The following RCOR1 variants were observed in gnomAD, a reference collection of about 807,000 sequenced individuals.
The protein encoded by RCOR1 is REST corepressor.
In RCOR1, 12 loss-of-function variants were observed where a neutral mutation model predicts 64.0. The observed-to-expected ratio is 0.19, with a 90% CI of 0.12 to 0.30. The LOEUF (loss-of-function observed/expected upper bound fraction) is 0.30. Among genes scored for constraint, RCOR1 ranks in the 10% least tolerant of loss-of-function variants. The pLI is 1.00. For synonymous variants in RCOR1, 279 were observed against 227.2 expected (o/e 1.23, Z -2.05); for missense variants, 502 against 621.2 (o/e 0.81, Z 2.04).
chr14:102,725,090 T>G (rs1000908940), intron 11 of RCOR1, among the ~76,000 whole-genome samples: 1 of 152,140 alleles, frequency 6.6e-6, no homozygotes, highest in Non-Finnish European at 1.5e-5. Flanking sequence ...TGGACAAGGG[T>G]GGGTTGGGAA....
chr14:102,655,653 CAA>C (rs887915650), intron 2 of RCOR1: 1 of 319,442 alleles, frequency 3.1e-6, no homozygotes, highest in East Asian at 1.7e-4. Context: ...ATGTATGAAA[CAA>C]AAAAATGAAG....
At chr14:102,624,919 G>A (rs1893950740) in intron 2 of RCOR1, among the ~76,000 whole-genome samples, 1 of 152,166 alleles carries the variant, frequency 6.6e-6, no homozygotes, top group South Asian at 2.1e-4. Context: ...TTCCCCAGCT[G>A]GAATGCAGTG....
At chr14:102,639,294 T>C (rs1198776804) in intron 2 of RCOR1, among the ~76,000 whole-genome samples, 1 of 146,556 alleles carries the variant, frequency 6.8e-6, no homozygotes, top group East Asian at 2.0e-4. Context: ...AGACAAGATC[T>C]CTTTTTGTCA....
At chr14:102,622,447 T>G (rs1328193563) in intron 2 of RCOR1, among the ~76,000 whole-genome samples, 1 of 152,198 alleles carries the variant, frequency 6.6e-6, no homozygotes, top group Non-Finnish European at 1.5e-5. Flanking sequence ...TCTCATCTTG[T>G]GCTTCTTTCT....
Position 102,675,272 on chromosome 14 carries a change from AT to A in RCOR1, c.362-6622del, listed in dbSNP as rs1895120650. ...TACTCCTCCCTTATCCATGAAAGGT[AT>A]GTTTCAAGACCTCTGGTGGATGCCT... On this transcript the variant is annotated intron_variant, in intron 2 of 11. Transcript: ENST00000262241. Among the ~76,000 whole-genome samples the A allele has an allele frequency of 2.6e-5, 4 of 152,154 alleles. No homozygotes were observed. The South Asian group carries it at 6.2e-4, about 24-fold the overall frequency.
chr14:102,634,662 A>G (rs887913760), intron 2 of RCOR1, among the ~76,000 whole-genome samples: 1 of 150,340 alleles, frequency 6.7e-6, no homozygotes, highest in Admixed American at 6.7e-5. Flanking sequence ...GTATATATAT[A>G]TACACACACA....
In RCOR1 at chr14:102,728,344, A is replaced by C. The variant is rs1896310774; in HGVS notation, c.*1838A>C. On this transcript the variant is annotated 3_prime_UTR_variant, in exon 12 of 12. Transcript: ENST00000262241. ...TGCTACCTGGAGACAGGGTTAGCAA[A>C]ATAACACTAGTGATGAGGGAGAGGC... The C allele has an allele frequency of 6.6e-6, 1 of 152,172 alleles. No individual in the cohort carries two copies. The allele number at this position is 152,172 out of a possible 1,614,324, so 9.4% of individuals were successfully genotyped here. A position where few individuals can be genotyped will look rare whatever the true frequency, so the allele number is the denominator to read the frequency against.
rs71119732 is a variant in RCOR1 at position 102,706,114 on chromosome 14, C to CAAAAAAAAAAA, written c.499-1219_499-1209dup. On this transcript the variant is annotated intron_variant, in intron 4 of 11. Coordinates refer to ENST00000262241, the MANE Select transcript of RCOR1 (RefSeq NM_015156.4). ...GGGCAAGGAGAGTGAAACCCTGTCT[C>CAAAAAAAAAAA]AAAAAAAAAAAAAAAAAAAAAAAAA... Among the ~76,000 whole-genome samples, 55 of 21,336 alleles carry CAAAAAAAAAAA rather than the reference C, an allele frequency of 2.6e-3. 2 individuals are homozygous for CAAAAAAAAAAA. The highest frequency in any genetic ancestry group is 0.05 in the Middle Eastern group (1 of 20). The allele number at this position is 21,336 out of a possible 152,430, so 14.0% of individuals were successfully genotyped here.
intron 7 of RCOR1, among the ~76,000 whole-genome samples, chr14:102,712,947 GTTT>G (rs67246962): frequency 0.086 from 6,707 of 77,672 alleles, 75 homozygotes; most frequent in Middle Eastern, 0.14. Context: ...CTAAATCATT[GTTT>G]TTTTTTTTTT....
Position 102,638,919 on chromosome 14 carries a change from T to C in RCOR1, c.362-42976T>C, listed in dbSNP as rs548844485. 4.6e-5 allele frequency among the ~76,000 whole-genome samples: 7 copies of C among 152,320 alleles called. No individual in the cohort carries two copies. In the East Asian group the frequency reaches 1.4e-3, roughly 29 times the overall value. On this transcript the variant is annotated intron_variant, in intron 2 of 11. Coordinates refer to ENST00000262241, the MANE Select transcript of RCOR1 (RefSeq NM_015156.4). ...GTCAGGTGCTCCGCCTGCCTCAGCC[T>C]CTGAAAGTGCTGGGATTGCAGGCGT...
intron 2 of RCOR1, among the ~76,000 whole-genome samples, chr14:102,644,678 A>G (rs1894443435): frequency 6.6e-6 from 1 of 152,204 alleles, no homozygotes; most frequent in African/African-American, 2.4e-5. Context: ...CGTCAAGAGA[A>G]GGAATCTGTT....
At chr14:102,682,361 T>C (rs966858646) in intron 3 of RCOR1, among the ~76,000 whole-genome samples, 9 of 152,248 alleles carry the variant, frequency 5.9e-5, no homozygotes, top group Middle Eastern at 3.4e-3. Flanking sequence ...AACTCCTGAC[T>C]TCAGGTGATC....
chr14:102,671,803 T>C (rs986687126), intron 2 of RCOR1, among the ~76,000 whole-genome samples: 1 of 152,224 alleles, frequency 6.6e-6, no homozygotes, highest in Admixed American at 6.5e-5. Flanking sequence ...AAACATTTTA[T>C]CATCCCATGA....
At chr14:102,650,626 AC>A (rs963887974) in intron 2 of RCOR1, among the ~76,000 whole-genome samples, 154 of 152,350 alleles carry the variant, frequency 1.0e-3, no homozygotes, top group African/African-American at 3.4e-3. Flanking sequence ...GGATTAAGCC[AC>A]TTAATTTTCC....
intron 3 of RCOR1, among the ~76,000 whole-genome samples, chr14:102,690,734 A>C (rs1346639396): frequency 6.6e-6 from 1 of 152,142 alleles, no homozygotes; most frequent in Non-Finnish European, 1.5e-5. Flanking sequence ...CACTGTCTTA[A>C]CTCACTTTCT....
intron 2 of RCOR1, among the ~76,000 whole-genome samples, chr14:102,676,299 G>GC (rs1448203816): frequency 6.9e-6 from 1 of 145,452 alleles, no homozygotes; most frequent in East Asian, 2.1e-4. Flanking sequence ...GGGCAGAAGC[G>GC]CCCCTCACCT....
intron 2 of RCOR1, among the ~76,000 whole-genome samples, chr14:102,661,880 C>T (rs1894830521): frequency 6.6e-6 from 1 of 152,144 alleles, no homozygotes; most frequent in East Asian, 1.9e-4. Context: ...CCTCAGCAAC[C>T]CAAGTAGCTG....
chr14:102,602,488 C>G (rs373093801), intron 2 of RCOR1, among the ~76,000 whole-genome samples: 1 of 150,880 alleles, frequency 6.6e-6, no homozygotes, highest in African/African-American at 2.4e-5. Context: ...ACTGTAACCT[C>G]CGCCTCCCCG....
At chr14:102,603,028 A>T (rs1021155981) in intron 2 of RCOR1, among the ~76,000 whole-genome samples, 2 of 151,942 alleles carry the variant, frequency 1.3e-5, no homozygotes, top group South Asian at 2.1e-4. Context: ...ATTAATGATG[A>T]GGTTAAGTGT....
Sources: gnomAD v4.1 joint callset for allele counts (sites outside exome capture counted in the v4.1 genomes callset) on GRCh38, gnomAD v4.1.1 for gene constraint, MANE v1.5 for transcripts, NCBI Gene and HGNC (gene_info 2026-07-23, HGNC 2026-07-21) for gene names.